The following ATXN10 variants were observed in gnomAD, a reference collection of about 807,000 sequenced individuals.
The protein encoded by ATXN10 is ataxin 10, also known as ataxin-10.
In ATXN10, 28 loss-of-function variants were observed where a neutral mutation model predicts 52.9. The observed-to-expected ratio is 0.53, with a 90% confidence interval of 0.39 to 0.73. The LOEUF is 0.73. ATXN10 is among the 30% of genes least tolerant of loss of function. ATXN10 has a pLI of 0.00. For missense variants in ATXN10, 565 were observed against 577.0 expected, an observed-to-expected ratio of 0.98 and a Z score of 0.21; for synonymous variants, 226 against 221.5, an observed-to-expected ratio of 1.02 and a Z score of -0.18.
At chr22:45,673,978 ACT>A (rs1922579554) in intron 1 of ATXN10, 1 of 152,076 alleles carries the variant, frequency 6.6e-6, no homozygotes, top group Non-Finnish European at 1.5e-5. Context: ...GCCCTTCTTG[ACT>A]CTATCTCTTG....
chr22:45,724,489 T>C (rs1294507660), intron 6 of ATXN10, among the ~76,000 whole-genome samples: 1 of 152,194 alleles, frequency 6.6e-6, no homozygotes, highest in African/African-American at 2.4e-5. Flanking sequence ...TCTATTCATG[T>C]CATTTGCCCA....
chr22:45,703,261 C>G (rs1375001127), intron 5 of ATXN10, among the ~76,000 whole-genome samples: 2 of 152,074 alleles, frequency 1.3e-5, no homozygotes, highest in African/African-American at 4.8e-5. Context: ...AATTGCCCCC[C>G]GATACATAAT....
In ATXN10 at chr22:45,799,696, C is replaced by T. The variant is rs150835590; in HGVS notation, c.1174-7263C>T. ...TCCAGAAGTGTAAAACAATAAATTC[C>T]TGTCTTTTATACCATTTGGTTTGTG... On this transcript the variant is annotated intron_variant, in intron 9 of 11. Transcript: ENST00000252934. Among the ~76,000 whole-genome samples, 510 of 152,278 alleles carry T rather than the reference C, an allele frequency of 3.3e-3. 2 individuals carry two copies. Among genetic ancestry groups the T allele is most frequent in the African/African-American group, 0.012 (493 of 41,560 alleles).
chr22:45,753,101 G>A (rs974999515), intron 9 of ATXN10, among the ~76,000 whole-genome samples: 2 of 151,888 alleles, frequency 1.3e-5, no homozygotes, highest in Admixed American at 6.6e-5. Context: ...ATTTTCTCTT[G>A]GAGATTGTTT....
In ATXN10 at chr22:45,840,652, C is replaced by A. The variant is rs557828562; in HGVS notation, c.1238-2339C>A. Among the ~76,000 whole-genome samples the A allele has an allele frequency of 6.6e-6, 1 of 152,176 alleles. No homozygotes were observed. Among genetic ancestry groups the A allele is most frequent in the African/African-American group, 2.4e-5 (1 of 41,426 alleles). On this transcript the variant is annotated intron_variant, in intron 10 of 11. Coordinates refer to ENST00000252934, the MANE Select transcript of ATXN10 (RefSeq NM_013236.4). This position sits in a 1 kb window ranked among gnomAD's most constrained non-coding sequence, Gnocchi z 5.8. ...CCTGGAGTGGAGCAGTTTGATAGTC[C>A]CTTTCCTCCAGAGACATCCTGCGTT...
At chr22:45,752,816 C>G (rs1926031391) in intron 9 of ATXN10, among the ~76,000 whole-genome samples, 1 of 151,916 alleles carries the variant, frequency 6.6e-6, no homozygotes, top group Admixed American at 6.6e-5. Context: ...TCGACGCAAC[C>G]TCCGCCTCCC....
chr22:45,768,184 T>C (rs747800955), intron 9 of ATXN10, among the ~76,000 whole-genome samples: 8 of 152,170 alleles, frequency 5.3e-5, no homozygotes, highest in Non-Finnish European at 1.2e-4. Flanking sequence ...AAATTGTGCT[T>C]TCTTAATACC....
intron 9 of ATXN10, among the ~76,000 whole-genome samples, chr22:45,755,180 G>A (rs1172420306): frequency 6.6e-6 from 1 of 152,230 alleles, no homozygotes; most frequent in Non-Finnish European, 1.5e-5. Flanking sequence ...AAATCCTGCA[G>A]CAGTGGCCCA....
rs1922768134 is a variant in ATXN10, at chr22:45,677,936, C to G, written c.116+5757C>G. The G allele has an allele frequency of 1.3e-5, 2 of 152,030 alleles. No homozygotes were observed. Among genetic ancestry groups the G allele is most frequent in the African/African-American group, 4.8e-5 (2 of 41,386 alleles). The allele number at this position is 152,030 out of a possible 1,614,324, so 9.4% of individuals were successfully genotyped here. A position where few individuals can be genotyped will look rare whatever the true frequency, so the allele number is the denominator to read the frequency against. On this transcript the variant is annotated intron_variant, in intron 1 of 11. Coordinates refer to ENST00000252934, the MANE Select transcript of ATXN10 (RefSeq NM_013236.4). The surrounding 1 kb of genome is among the most constrained non-coding windows in gnomAD (Gnocchi z 4.1). The stretch of plus-strand genomic sequence containing the variant: ...CAAAAAGCTAAACATGGAATATGAC[C>G]AAGCAGTTTTACTCTTAGGTATGTG...
At chr22:45,731,542 A>C (rs1462768056) in intron 7 of ATXN10, among the ~76,000 whole-genome samples, 1 of 152,212 alleles carries the variant, frequency 6.6e-6, no homozygotes, top group Non-Finnish European at 1.5e-5. Flanking sequence ...ATGGTCAGGT[A>C]GAGAGGGAGT....
chr22:45,748,635 C>A (rs1925829758), intron 9 of ATXN10, among the ~76,000 whole-genome samples: 1 of 152,136 alleles, frequency 6.6e-6, no homozygotes. Flanking sequence ...ATATGTCTTA[C>A]CTCAATTGGA....
intron 10 of ATXN10, among the ~76,000 whole-genome samples, chr22:45,832,143 C>T (rs1929013702): frequency 6.6e-6 from 1 of 152,242 alleles, no homozygotes. Flanking sequence ...CAGCTGCCCA[C>T]AAGAGCTTCT....
chr22:45,724,755 T>C (rs1046025242), intron 6 of ATXN10, among the ~76,000 whole-genome samples: 1 of 152,164 alleles, frequency 6.6e-6, no homozygotes, highest in African/African-American at 2.4e-5. Context: ...TGTCATAAAG[T>C]TTTTCCTAGG....
chr22:45,702,630 T>C lies in ATXN10; in HGVS notation c.489-59T>C, dbSNP rs1970287276. ...GAATTTGACAATGGTATTACTGTTATTTTTGTGTTTTATCATGTTACTAAA... is the reference window on the plus strand; with the variant it reads ...GAATTTGACAATGGTATTACTGTTACTTTTGTGTTTTATCATGTTACTAAA... On this transcript the variant is annotated intron_variant, in intron 4 of 11. Coordinates refer to ENST00000252934, the MANE Select transcript of ATXN10 (RefSeq NM_013236.4). 1.9e-6 allele frequency: 3 copies of C among 1,544,396 alleles called. No homozygotes were observed. In the Admixed American group the frequency reaches 5.0e-5, roughly 26 times the overall value.
Position 45,688,861 on chromosome 22 carries a change from T to G in ATXN10, c.117-851T>G, listed in dbSNP as rs1244953624. On this transcript the variant is annotated intron_variant, in intron 1 of 11. Transcript: ENST00000252934. The surrounding 1 kb of genome is among the most constrained non-coding windows in gnomAD (Gnocchi z 4.0). ...CGTTAAAAGAGATTTGCTGTTTCTT[T>G]AGGGGATTTATGGAATGAGGAAGTT... 2.0e-5 allele frequency among the ~76,000 whole-genome samples: 3 copies of G among 152,226 alleles called. No homozygotes were observed.
intron 9 of ATXN10, among the ~76,000 whole-genome samples, chr22:45,798,590 A>G (rs992064346): frequency 1.3e-5 from 2 of 152,212 alleles, no homozygotes; most frequent in Non-Finnish European, 2.9e-5. Context: ...ATGATGAAAC[A>G]CTGCTCTCTC....
At chr22:45,680,419 A>G (rs1029012219) in intron 1 of ATXN10, among the ~76,000 whole-genome samples, 33 of 152,190 alleles carry the variant, frequency 2.2e-4, no homozygotes, top group African/African-American at 1.2e-4. Context: ...TGTGGATTCA[A>G]TGCCATTCAT....
intron 2 of ATXN10, among the ~76,000 whole-genome samples, chr22:45,692,682 CT>C (rs931917095): frequency 2.0e-5 from 3 of 152,246 alleles, no homozygotes; most frequent in Admixed American, 2.0e-4. Context: ...ATCTTTTGCA[CT>C]TTGTGTGGAC....
chr22:45,794,547 A>G (rs1320841023), intron 9 of ATXN10, among the ~76,000 whole-genome samples: 1 of 151,804 alleles, frequency 6.6e-6, no homozygotes, highest in Non-Finnish European at 1.5e-5. Context: ...GTTTTGGCTA[A>G]TCTTCTCTGT....
Sources: allele counts gnomAD v4.1 joint callset (sites outside exome capture counted in the v4.1 genomes callset), GRCh38; gene constraint gnomAD v4.1.1; non-coding constraint Gnocchi (gnomAD v3.1); transcripts MANE v1.5; gene names NCBI Gene and HGNC (gene_info 2026-07-23, HGNC 2026-07-21).